Variants in GNB4 observed in about 807,000 individuals in gnomAD.
GNB4 encodes guanine nucleotide-binding protein subunit beta-4.
A neutral mutation model predicts 45.2 loss-of-function variants in GNB4; 28 were observed. The ratio of observed to expected loss-of-function variants is 0.62; its 90% CI spans 0.46 to 0.85. The LOEUF (loss-of-function observed/expected upper bound fraction) is 0.85. Ranked by LOEUF, GNB4 falls within the 40% of genes least tolerant of loss-of-function variation. The probability of loss-of-function intolerance (pLI) is 0.00; values close to 1 mark genes in which losing one functional copy is unlikely to be tolerated. For missense variants in GNB4, 321 were observed against 425.4 expected, an observed-to-expected ratio of 0.75 and a Z score of 2.16; for synonymous variants, 132 against 143.7, an observed-to-expected ratio of 0.92 and a Z score of 0.58.
At chr3:179,484,601 T>G in the GNB4 span, among the ~76,000 whole-genome samples, 1 of 149,452 alleles carries the variant, frequency 6.7e-6, no homozygotes, top group Non-Finnish European at 1.5e-5. Flanking sequence ...CCATTTTTTT[T>G]TTTTGCATTT....
chr3:179,416,175 A>T (rs564657478), intron 5 of GNB4, among the ~76,000 whole-genome samples: 1 of 152,336 alleles, frequency 6.6e-6, no homozygotes, highest in African/African-American at 2.4e-5. Flanking sequence ...AAAACTAGAA[A>T]TAAAAATCTC....
upstream of GNB4, among the ~76,000 whole-genome samples, chr3:179,452,158 GATATCC>G (rs1715899271): frequency 6.6e-6 from 1 of 151,282 alleles, no homozygotes. Context: ...AGGCCTTCCA[GATATCC>G]CTGCCAAGTC....
the GNB4 span, among the ~76,000 whole-genome samples, chr3:179,472,683 A>G: frequency 6.6e-6 from 1 of 152,054 alleles, no homozygotes; most frequent in Admixed American, 6.5e-5. Context: ...TATTATTTCT[A>G]TTACTAAAAG....
intron 2 of GNB4, among the ~76,000 whole-genome samples, chr3:179,423,734 T>A (rs534935901): frequency 6.0e-5 from 9 of 150,814 alleles, no homozygotes; most frequent in Non-Finnish European, 1.3e-4. Flanking sequence ...TGAGAAGAGA[T>A]CGCACCACTG....
At chr3:179,456,050 C>G (rs1006711486), upstream of GNB4, among the ~76,000 whole-genome samples, 1 of 151,386 alleles carries the variant, frequency 6.6e-6, no homozygotes, top group East Asian at 1.9e-4. Context: ...CATAGTGTTG[C>G]TTCCACTATC....
chr3:179,501,569 C>T, the GNB4 span, among the ~76,000 whole-genome samples: 7 of 151,834 alleles, frequency 4.6e-5, no homozygotes, highest in South Asian at 6.2e-4. Flanking sequence ...AAGTGATCCA[C>T]CCGCCTTGGC....
chr3:179,415,412 GA>G (rs1714769207), intron 5 of GNB4, among the ~76,000 whole-genome samples: 1 of 152,188 alleles, frequency 6.6e-6, no homozygotes. Context: ...GCTCAGAAGA[GA>G]AATTTCCTCC....
the GNB4 span, among the ~76,000 whole-genome samples, chr3:179,494,037 T>A: frequency 6.6e-6 from 1 of 152,194 alleles, no homozygotes; most frequent in Non-Finnish European, 1.5e-5. Flanking sequence ...TTCATGCTAC[T>A]GTCTAGAGCT....
chr3:179,408,570 C>T (rs1181787128), intron 8 of GNB4, among the ~76,000 whole-genome samples: 1 of 151,992 alleles, frequency 6.6e-6, no homozygotes, highest in Non-Finnish European at 1.5e-5. Context: ...GCAGACAGAT[C>T]ACCTGAGGTC....
the GNB4 span, among the ~76,000 whole-genome samples, chr3:179,503,515 G>A: frequency 1.2e-4 from 19 of 152,178 alleles, no homozygotes; most frequent in African/African-American, 4.6e-4. Context: ...TCAATAGCTG[G>A]TCGTTATGTC....
intron 2 of GNB4, 143 bp from the exon 3 acceptor site, chr3:179,421,070 C>A: frequency 1.7e-6 from 1 of 597,428 alleles, no homozygotes; most frequent in Non-Finnish European, 3.0e-6. Flanking sequence ...ATAAAAATCA[C>A]ATAACCTAAA....
chr3:179,419,407 G>T lies in GNB4; in HGVS notation c.195C>A (p.Tyr65Ter). The T allele has an allele frequency of 6.3e-7, 1 of 1,589,582 alleles. No homozygotes were observed. Among genetic ancestry groups the T allele is most frequent in the Non-Finnish European group, 8.6e-7 (1 of 1,157,792 alleles). Reference sequence around the variant, plus strand: ...TAATGACAGGTACAAACCTGGAATCGTATCCCCAATGCATAGCATAGATTT... The same window carrying T: ...TAATGACAGGTACAAACCTGGAATCTTATCCCCAATGCATAGCATAGATTT... ...LAKIYAMHWG[Y>*]DSRLLVSASQ... Residue 65 changes from tyrosine (Y) to a stop codon, truncating the protein, a stop_gained, in exon 4 of 10, where the codon TAC becomes TAA. Transcript: ENST00000232564. LOFTEE classifies it high-confidence loss of function.
intron 6 of GNB4, among the ~76,000 whole-genome samples, chr3:179,414,380 T>C (rs113060171): frequency 3.9e-5 from 6 of 152,288 alleles, no homozygotes; most frequent in African/African-American, 1.4e-4. Flanking sequence ...TCAAATAGTA[T>C]GGCTAAAAAT....
chr3:179,478,576 C>T, the GNB4 span, among the ~76,000 whole-genome samples: 1 of 152,082 alleles, frequency 6.6e-6, no homozygotes, highest in African/African-American at 2.4e-5. Context: ...TAGGGCCTCG[C>T]TCTGTCACCC....
At chr3:179,480,883 G>A in the GNB4 span, among the ~76,000 whole-genome samples, 1 of 117,800 alleles carries the variant, frequency 8.5e-6, no homozygotes, top group Non-Finnish European at 1.7e-5. Flanking sequence ...ACGGAGTCTT[G>A]CTCTGTCACC....
the GNB4 span, among the ~76,000 whole-genome samples, chr3:179,493,924 T>C: frequency 6.6e-6 from 1 of 152,234 alleles, no homozygotes; most frequent in South Asian, 2.1e-4. Flanking sequence ...TTCTTTTCCC[T>C]ACAAGAGGTC....
At chr3:179,440,876 T>TAGAGAGAGAGAGAGAG (rs1358506608) in intron 1 of GNB4, among the ~76,000 whole-genome samples, 19 of 110,710 alleles carry the variant, frequency 1.7e-4, no homozygotes, top group African/African-American at 8.2e-4. Context: ...TATATATAGA[T>TAGAGAGAGAGAGAGAG]AGATAGAGAG....
intron 4 of GNB4, among the ~76,000 whole-genome samples, chr3:179,416,989 C>T (rs917519906): frequency 1.3e-5 from 2 of 152,178 alleles, no homozygotes; most frequent in Non-Finnish European, 2.9e-5. Flanking sequence ...CAGGATACAT[C>T]GCCTGCTCTT....
At chr3:179,502,077 A>G in the GNB4 span, among the ~76,000 whole-genome samples, 1 of 152,170 alleles carries the variant, frequency 6.6e-6, no homozygotes, top group Non-Finnish European at 1.5e-5. Context: ...TAAGTTAAAG[A>G]GAACTGGTAT....
Sources: allele counts gnomAD v4.1 joint callset (sites outside exome capture counted in the v4.1 genomes callset), GRCh38; gene constraint gnomAD v4.1.1; transcripts MANE v1.5; gene names NCBI Gene and HGNC (gene_info 2026-07-23, HGNC 2026-07-21).